UPF2: variants seen among roughly 807,000 people sequenced by gnomAD.
UPF2 encodes the protein regulator of nonsense transcripts 2.
UPF2 carries 17 observed loss-of-function variants against 141.4 expected under a neutral mutation model. The ratio of observed to expected loss-of-function variants is 0.12; its 90% CI spans 0.08 to 0.18. UPF2 has a LOEUF of 0.18. Among genes scored for constraint, UPF2 ranks in the 10% least tolerant of loss-of-function variants. The pLI is 1.00. For synonymous variants in UPF2, 540 were observed against 498.0 expected (o/e 1.08, Z -1.12); for missense variants, 1,152 against 1,515.9 (o/e 0.76, Z 3.99).
chr10:11,999,560 T>A (rs901773469), intron 7 of UPF2, among the ~76,000 whole-genome samples: 6 of 149,436 alleles, frequency 4.0e-5, no homozygotes, highest in Admixed American at 3.3e-4. Flanking sequence ...AAACTTAGTA[T>A]TATCATCAAA....
In UPF2 at chr10:11,955,391, G is replaced by A. The variant is rs775492620; in HGVS notation, c.2691C>T (p.Thr897=). Residue 897 remains threonine (T), a synonymous_variant, in exon 14 of 22, where the codon ACC becomes ACT. Transcript: ENST00000357604. ...AGCCATCAGGATTAACACCAAATGA[G>A]GTAAAAGAATACAGAGTTCTGAAAA... ...AVIFRTLYSF[T]SFGVNPDGSP... The A allele has an allele frequency of 1.2e-6, 2 of 1,614,092 alleles. No homozygotes were observed. The highest frequency in any genetic ancestry group is 2.2e-5 in the South Asian group (2 of 91,076).
intron 9 of UPF2, among the ~76,000 whole-genome samples, chr10:11,975,747 C>T (rs1736300927): frequency 6.6e-6 from 1 of 151,956 alleles, no homozygotes; most frequent in Non-Finnish European, 1.5e-5. Context: ...GAACTCCCAA[C>T]CTCCGGTAAT....
Position 11,921,832 on chromosome 10 carries a change from C to T in UPF2, c.3810-525G>A, listed in dbSNP as rs574318999. Among the ~76,000 whole-genome samples, 1 of 152,088 alleles carries T rather than the reference C, an allele frequency of 6.6e-6. No homozygotes were observed. Among genetic ancestry groups the T allele is most frequent in the African/African-American group, 2.4e-5 (1 of 41,476 alleles). ...TCTTCTACAACTTATTCTTAAGGTG[C>T]TAAGAATTCACAGTTTGTGTTATGG... On this transcript the variant is annotated intron_variant, in intron 21 of 21. Transcript: ENST00000357604. This position sits in a 1 kb window ranked among gnomAD's most constrained non-coding sequence, Gnocchi z 5.9.
intron 7 of UPF2, among the ~76,000 whole-genome samples, chr10:11,999,322 G>A (rs1833915644): frequency 6.6e-6 from 1 of 151,902 alleles, no homozygotes; most frequent in African/African-American, 2.4e-5. Flanking sequence ...GACCAGCCCA[G>A]CCAATATGAT....
rs373340381 is a variant in UPF2 at position 11,955,378 on chromosome 10, T to G, written c.2704A>C (p.Asn902His). The G allele has an allele frequency of 1.0e-4, 164 of 1,614,020 alleles. No homozygotes were observed. The highest frequency in any genetic ancestry group is 1.3e-4 in the Non-Finnish European group (157 of 1,180,024). ...AGGGAACTTGGAGAGCCATCAGGATTAACACCAAATGAGGTAAAAGAATAC... is the reference window on the plus strand; with the variant it reads ...AGGGAACTTGGAGAGCCATCAGGATGAACACCAAATGAGGTAAAAGAATAC... ...TLYSFTSFGV[N>H]PDGSPSSLDP... is the part of the protein sequence containing the mutation. Residue 902 changes from asparagine to histidine, a missense_variant, in exon 14 of 22, where the codon AAT becomes CAT. Physicochemically the swap from Asn to His is moderately conservative, Grantham distance 68. Transcript: ENST00000357604.
chr10:11,995,345 G>A (rs935673009), intron 8 of UPF2, among the ~76,000 whole-genome samples: 3 of 152,170 alleles, frequency 2.0e-5, no homozygotes, highest in African/African-American at 7.2e-5. Context: ...TTGAAAACCA[G>A]CTAGCTAAGA....
chr10:11,986,820 G>A (rs1214667959), intron 8 of UPF2, among the ~76,000 whole-genome samples: 1 of 152,154 alleles, frequency 6.6e-6, no homozygotes, highest in Non-Finnish European at 1.5e-5. Flanking sequence ...CAGATTTCAC[G>A]GAAACATTCT....
chr10:11,938,686 T>C (rs920905992), intron 18 of UPF2, among the ~76,000 whole-genome samples: 9 of 152,100 alleles, frequency 5.9e-5, no homozygotes, highest in Admixed American at 2.6e-4. Flanking sequence ...ATTGATTTGC[T>C]ATAGTAAAAG....
chr10:11,976,575 A>G (rs1833509472), intron 9 of UPF2, among the ~76,000 whole-genome samples: 1 of 152,246 alleles, frequency 6.6e-6, no homozygotes, highest in Non-Finnish European at 1.5e-5. Context: ...TTTAGCTCCA[A>G]GTACATGAAA....
rs921324399 is a variant in UPF2, at chr10:11,956,011, G to T, written c.2574+309C>A. Among the ~76,000 whole-genome samples, 1 of 152,076 alleles carries T rather than the reference G, an allele frequency of 6.6e-6. No homozygotes were observed. Among genetic ancestry groups the T allele is most frequent in the African/African-American group, 2.4e-5 (1 of 41,406 alleles). On this transcript the variant is annotated intron_variant, in intron 13 of 21. Coordinates refer to ENST00000357604, the MANE Select transcript of UPF2 (RefSeq NM_015542.4). The surrounding 1 kb of genome is among the most constrained non-coding windows in gnomAD (Gnocchi z 4.2). ...ACAAAAAAATTAGCTAGGCGTGGTG[G>T]CATGCACCTGTAGTAGTCCCAGCTA...
chr10:12,030,867 G>A (rs1484387952), intron 2 of UPF2, among the ~76,000 whole-genome samples: 1 of 148,526 alleles, frequency 6.7e-6, no homozygotes, highest in Non-Finnish European at 1.5e-5. Flanking sequence ...CTGTGTGACA[G>A]AGCAAGACTC....
Position 12,028,786 on chromosome 10 carries a change from T to C in UPF2, c.1104A>G (p.Lys368=). ...EYFTSLTKHL[K]RDHRELQNTE... is the part of the protein sequence containing the mutation. ...TATTCTGGAGCTCCCTGTGGTCCCT[T>C]TTCAGGTGTTTGGTCAAAGACGTAA... The change falls in exon 3 of 22, where the codon AAA becomes AAG. Residue 368 remains lysine (K), a synonymous_variant. Transcript: ENST00000357604. 6.2e-7 allele frequency: 1 copy of C among 1,613,430 alleles called. No homozygotes were observed. Among genetic ancestry groups the C allele is most frequent in the South Asian group, 1.1e-5 (1 of 90,944 alleles).
intron 4 of UPF2, among the ~76,000 whole-genome samples, chr10:12,013,575 C>T (rs1447486421): frequency 6.6e-6 from 1 of 151,568 alleles, no homozygotes; most frequent in East Asian, 1.9e-4. Flanking sequence ...GCCCGGCCAC[C>T]CTTAAGATTT....
intron 4 of UPF2, among the ~76,000 whole-genome samples, chr10:12,005,299 G>C (rs562774432): frequency 8.4e-4 from 128 of 152,300 alleles, no homozygotes; most frequent in African/African-American, 3.1e-3. Flanking sequence ...TAGTTTTAAA[G>C]AGAGTTTATT....
intron 8 of UPF2, among the ~76,000 whole-genome samples, chr10:11,982,071 A>G (rs547973251): frequency 1.3e-5 from 2 of 152,148 alleles, no homozygotes; most frequent in Non-Finnish European, 2.9e-5. Flanking sequence ...TGAATATTTA[A>G]TGTTCTTACA....
rs1342726430 is a variant in UPF2 at position 12,019,487 on chromosome 10, CACT to C, written c.1146-5306_1146-5304del. Among the ~76,000 whole-genome samples the C allele has an allele frequency of 5.3e-5, 8 of 152,236 alleles. No homozygotes were observed. Among genetic ancestry groups the C allele is most frequent in the Admixed American group, 4.6e-4 (7 of 15,288 alleles). On this transcript the variant is annotated intron_variant, in intron 3 of 21. Coordinates refer to ENST00000357604, the MANE Select transcript of UPF2 (RefSeq NM_015542.4). This position sits in a 1 kb window ranked among gnomAD's most constrained non-coding sequence, Gnocchi z 4.5. ...AGCCATAGTTCGCCAATGCCTGTCA[CACT>C]ACTACATGTCTTATAAATTAGTACA...
intron 9 of UPF2, among the ~76,000 whole-genome samples, chr10:11,976,367 A>G (rs1468188648): frequency 1.3e-5 from 2 of 152,190 alleles, no homozygotes; most frequent in Non-Finnish European, 2.9e-5. Flanking sequence ...GAGATGCTAG[A>G]TTTTAGTTCT....
chr10:11,981,931 G>T (rs551255472), intron 8 of UPF2, among the ~76,000 whole-genome samples: 1 of 151,860 alleles, frequency 6.6e-6, no homozygotes, highest in Non-Finnish European at 1.5e-5. Flanking sequence ...TGATCCATCC[G>T]CCTTGACCTC....
At chr10:12,017,742 A>AT (rs963546340) in intron 3 of UPF2, among the ~76,000 whole-genome samples, 20 of 152,086 alleles carry the variant, frequency 1.3e-4, no homozygotes, top group African/African-American at 3.9e-4. Context: ...TTTTACTCCC[A>AT]TTTTTTTATT....
Sources: allele counts gnomAD v4.1 joint callset (sites outside exome capture counted in the v4.1 genomes callset), GRCh38; gene constraint gnomAD v4.1.1; non-coding constraint Gnocchi (gnomAD v3.1); transcripts MANE v1.5; gene names NCBI Gene and HGNC (gene_info 2026-07-23, HGNC 2026-07-21).